LRPPRC: variants seen among roughly 807,000 people sequenced by gnomAD.
The protein encoded by LRPPRC is leucine rich pentatricopeptide repeat containing.
LRPPRC carries 120 observed loss-of-function variants against 180.3 expected under a neutral mutation model. That is an observed-to-expected ratio of 0.67 (90% CI 0.57 to 0.77). LRPPRC has a LOEUF of 0.77. Among genes scored for constraint, LRPPRC ranks in the 30% least tolerant of loss-of-function variants. The pLI is 0.00. For missense variants in LRPPRC, 2,012 were observed against 1,657.2 expected, an observed-to-expected ratio of 1.21 and a Z score of -3.72; for synonymous variants, 723 against 600.0, an observed-to-expected ratio of 1.21 and a Z score of -3.00.
chr2:43,933,507 C>T (rs748019881), intron 25 of LRPPRC, among the ~76,000 whole-genome samples: 29 of 152,060 alleles, frequency 1.9e-4, no homozygotes, highest in African/African-American at 5.8e-4. Flanking sequence ...CCATCTTCTG[C>T]GGAATGTTTT....
chr2:43,963,722 T>C lies in LRPPRC; in HGVS notation c.1370-16A>G, dbSNP rs751723781. On this transcript the variant is annotated splice_polypyrimidine_tract_variant and intron_variant, in intron 11 of 37. Coordinates refer to ENST00000260665, the MANE Select transcript of LRPPRC (RefSeq NM_133259.4). ...TCAATTATACCTACCAAATAAAATGTAGAAGCACAGAGATAGAGAACTTAG... is the reference window on the plus strand; with the variant it reads ...TCAATTATACCTACCAAATAAAATGCAGAAGCACAGAGATAGAGAACTTAG... 39 of 1,265,064 alleles carry C rather than the reference T, an allele frequency of 3.1e-5. No homozygotes were observed. Among genetic ancestry groups the C allele is most frequent in the Middle Eastern group, 1.8e-4 (1 of 5,432 alleles). 78.4% of individuals were successfully genotyped at this position (1,265,064 alleles called of 1,614,324 possible). A position where few individuals can be genotyped will look rare whatever the true frequency, so the allele number is the denominator to read the frequency against.
intron 23 of LRPPRC, among the ~76,000 whole-genome samples, chr2:43,940,388 T>C (rs572337410): frequency 9.1e-4 from 139 of 152,312 alleles, no homozygotes; most frequent in African/African-American, 3.3e-3. Context: ...TGTAACATAT[T>C]AAAGTGTTAC....
At chr2:43,988,759 G>A (rs773582905) in intron 1 of LRPPRC, among the ~76,000 whole-genome samples, 1 of 151,880 alleles carries the variant, frequency 6.6e-6, no homozygotes, top group Non-Finnish European at 1.5e-5. Context: ...TAGCCAGGAT[G>A]GTCTCGATCT....
intron 13 of LRPPRC, among the ~76,000 whole-genome samples, chr2:43,958,031 T>A (rs1410858568): frequency 1.3e-5 from 2 of 152,202 alleles, no homozygotes; most frequent in African/African-American, 4.8e-5. Flanking sequence ...TTTCTGAGTA[T>A]TTGTTTGCTC....
chr2:43,895,717 A>C lies in LRPPRC; in HGVS notation c.3900+917T>G, dbSNP rs114617545. On this transcript the variant is annotated intron_variant, in intron 35 of 37. Transcript: ENST00000260665. Reference sequence around the variant, plus strand: ...AAATTCAGGAAAACGTAGACCTCCCAAACTGGACACAGCCTAAATGTTTCA... The same window carrying C: ...AAATTCAGGAAAACGTAGACCTCCCCAACTGGACACAGCCTAAATGTTTCA... Among the ~76,000 whole-genome samples, 1,419 of 152,322 alleles carry C rather than the reference A, an allele frequency of 9.3e-3. 20 individuals carry two copies. Among genetic ancestry groups the C allele is most frequent in the African/African-American group, 0.032 (1,331 of 41,564 alleles).
intron 21 of LRPPRC, among the ~76,000 whole-genome samples, chr2:43,945,887 G>T (rs1212154111): frequency 1.3e-5 from 2 of 151,976 alleles, no homozygotes; most frequent in Non-Finnish European, 2.9e-5. Context: ...AAAACCTTTG[G>T]TTCTAAGGAC....
intron 14 of LRPPRC, among the ~76,000 whole-genome samples, chr2:43,956,130 T>TA (rs1165278061): frequency 7.3e-5 from 11 of 150,006 alleles, no homozygotes; most frequent in Non-Finnish European, 1.2e-4. Flanking sequence ...CCTGGGCTCT[T>TA]AAAAAACAAA....
chr2:43,904,017 A>T (rs572925109), intron 31 of LRPPRC: 1 of 152,238 alleles, frequency 6.6e-6, no homozygotes, highest in South Asian at 2.1e-4. Flanking sequence ...ATCATGGCTC[A>T]TGGCAGCCTC....
At chr2:43,968,364 A>C (rs1268182896) in intron 11 of LRPPRC, among the ~76,000 whole-genome samples, 1 of 152,248 alleles carries the variant, frequency 6.6e-6, no homozygotes, top group African/African-American at 2.4e-5. Flanking sequence ...GACCTATAAG[A>C]GTCTATGCCT....
At chr2:43,971,076 G>C (rs1395857387) in intron 11 of LRPPRC, among the ~76,000 whole-genome samples, 1 of 146,678 alleles carries the variant, frequency 6.8e-6, no homozygotes, top group Non-Finnish European at 1.5e-5. Context: ...CTCCAGCCTA[G>C]ACAACAAGAG....
At chr2:43,949,283 T>G (rs1672808933) in intron 16 of LRPPRC, among the ~76,000 whole-genome samples, 1 of 152,198 alleles carries the variant, frequency 6.6e-6, no homozygotes, top group Non-Finnish European at 1.5e-5. Flanking sequence ...TAAAATTAAC[T>G]ACACCTGCAA....
rs1670344056 is a variant in LRPPRC at position 43,888,307 on chromosome 2, G to GAAAC, written c.*289_*292dup. On this transcript the variant is annotated 3_prime_UTR_variant, in exon 38 of 38. Transcript: ENST00000260665. The stretch of plus-strand genomic sequence containing the variant: ...GGAATAACATTTTAATGAAATAAAT[G>GAAAC]AAACAGAGCAGGGAAACCAAAGAGC... 9.3e-6 allele frequency: 3 copies of GAAAC among 322,948 alleles called. 1 individual carries two copies. In the South Asian group the frequency reaches 1.0e-4, roughly 11 times the overall value. The allele number at this position is 322,948 out of a possible 1,614,324, so 20.0% of individuals were successfully genotyped here.
At chr2:43,954,261 C>G (rs1365342474) in intron 14 of LRPPRC, among the ~76,000 whole-genome samples, 1 of 152,062 alleles carries the variant, frequency 6.6e-6, no homozygotes, top group African/African-American at 2.4e-5. Context: ...AAATTGACAA[C>G]AAAAATTGTA....
intron 25 of LRPPRC, among the ~76,000 whole-genome samples, chr2:43,930,816 C>T (rs1228078171): frequency 1.3e-5 from 2 of 152,030 alleles, no homozygotes; most frequent in African/African-American, 2.4e-5. Flanking sequence ...ACTCAGGGTT[C>T]GTGAGTTCTA....
intron 23 of LRPPRC, among the ~76,000 whole-genome samples, chr2:43,935,903 G>C (rs921385146): frequency 1.3e-5 from 2 of 152,152 alleles, no homozygotes; most frequent in African/African-American, 4.8e-5. Flanking sequence ...ACCTGAGGTG[G>C]AGAAACCCCA....
In LRPPRC at chr2:43,948,119, C is replaced by T. The variant is rs1039797172; in HGVS notation, c.1920+3G>A. ...ATCCAGTTGATTGCTATTTCACACA[C>T]ACCTTAATCAATTCAGGAACATGGT... is the stretch of plus-strand genomic sequence containing the variant. On this transcript the variant is annotated splice_donor_region_variant and intron_variant, in intron 18 of 37. Coordinates refer to ENST00000260665, the MANE Select transcript of LRPPRC (RefSeq NM_133259.4). 6.4e-7 allele frequency: 1 copy of T among 1,556,888 alleles called. No homozygotes were observed. Among genetic ancestry groups the T allele is most frequent in the Non-Finnish European group, 8.9e-7 (1 of 1,128,660 alleles).
In LRPPRC at chr2:43,995,653, G is replaced by A. The variant is rs553215840; in HGVS notation, c.149+146C>T. On this transcript the variant is annotated intron_variant, in intron 1 of 37. Transcript: ENST00000260665. ...CTGTCACCCGAAAACCCCTGGTAGG[G>A]AGCGTGGTGCGGAGCCCGGGGAGGC... The A allele has an allele frequency of 4.3e-5, 32 of 743,806 alleles. No individual in the cohort carries two copies. The Admixed American group carries it at 4.7e-4, about 11-fold the overall frequency. 46.1% of individuals were successfully genotyped at this position (743,806 alleles called of 1,614,324 possible).
chr2:43,922,547 CA>C (rs935782938), intron 27 of LRPPRC, among the ~76,000 whole-genome samples: 34 of 152,262 alleles, frequency 2.2e-4, no homozygotes, highest in African/African-American at 8.2e-4. Flanking sequence ...ATCACAAGGT[CA>C]GGAGTTCGAG....
intron 23 of LRPPRC, 145 bp from the exon 24 acceptor site, chr2:43,935,023 G>C (rs551849528): frequency 6.7e-6 from 4 of 601,222 alleles, no homozygotes; most frequent in East Asian, 2.9e-5. Context: ...AGCTAAAATG[G>C]GGGAAAAAAA....
Sources: allele counts gnomAD v4.1 joint callset (sites outside exome capture counted in the v4.1 genomes callset), GRCh38; gene constraint gnomAD v4.1.1; transcripts MANE v1.5; gene names NCBI Gene and HGNC (gene_info 2026-07-23, HGNC 2026-07-21).